SRRM3: variants seen among roughly 807,000 people sequenced by gnomAD.
The protein encoded by SRRM3 is serine/arginine repetitive matrix 3.
SRRM3 carries 27 observed loss-of-function variants against 66.2 expected under a neutral mutation model. The ratio of observed to expected loss-of-function variants is 0.41; its 90% CI spans 0.30 to 0.56. The LOEUF is 0.56. Ranked by LOEUF, SRRM3 falls within the 20% of genes least tolerant of loss-of-function variation. The probability of loss-of-function intolerance (pLI) is 0.32; values close to 1 mark genes in which losing one functional copy is unlikely to be tolerated. For missense variants in SRRM3, 918 were observed against 991.9 expected, an observed-to-expected ratio of 0.93 and a Z score of 1.00; for synonymous variants, 391 against 414.9, an observed-to-expected ratio of 0.94 and a Z score of 0.70.
At chr7:76,279,889 C>T (rs1445807307) in intron 11 of SRRM3, among the ~76,000 whole-genome samples, 2 of 152,128 alleles carry the variant, frequency 1.3e-5, no homozygotes, top group African/African-American at 2.4e-5. Flanking sequence ...AGGAGCCGGG[C>T]GCTGCCAGCC....
At chr7:76,224,077 C>CT (rs782746897) in intron 1 of SRRM3, among the ~76,000 whole-genome samples, 709 of 60,944 alleles carry the variant, frequency 0.012, 108 homozygotes, top group African/African-American at 0.02. Context: ...TCCCTTCCCT[C>CT]TTTTTTTTTT....
At position 76,281,767 on chromosome 7, in the gene SRRM3, C is replaced by T; in HGVS notation, c.1335C>T (p.Pro445=). The part of the protein sequence containing the change: ...GRGAPGPGPE[P]GSERGHGGHG... ...GCGCCCCCGGCCCCGGGCCCGAGCCCGGCTCTGAGCGAGGCCACGGCGGAC... is the reference window on the plus strand; with the variant it reads ...GCGCCCCCGGCCCCGGGCCCGAGCCTGGCTCTGAGCGAGGCCACGGCGGAC... The change falls in exon 12 of 15, where the codon CCC becomes CCT. Residue 445 remains proline, a synonymous_variant. Coordinates refer to ENST00000611745, the MANE Select transcript of SRRM3 (RefSeq NM_001110199.3). 2.9e-6 allele frequency: 4 copies of T among 1,385,380 alleles called. No individual in the cohort carries two copies. Among genetic ancestry groups the T allele is most frequent in the Non-Finnish European group, 3.7e-6 (4 of 1,068,810 alleles). 85.8% of individuals were successfully genotyped at this position (1,385,380 alleles called of 1,614,324 possible). A position where few individuals can be genotyped will look rare whatever the true frequency, so the allele number is the denominator to read the frequency against.
At position 76,283,079 on chromosome 7, in the gene SRRM3, A is replaced by G; in HGVS notation, c.1711A>G (p.Met571Val). ...RKRRRDSPSFMEPRRITSARK... is the reference protein window; with the variant it reads ...RKRRRDSPSFVEPRRITSARK... ...GCGGCGCCGGGACTCGCCAAGCTTC[A>G]TGGAGCCGCGGCGCATCACCAGGTA... Residue 571 changes from methionine (M) to valine (V), a missense_variant, in exon 14 of 15, where the codon ATG (methionine) becomes GTG (valine). Transcript: ENST00000611745. 6.8e-7 allele frequency: 1 copy of G among 1,464,826 alleles called. No individual in the cohort carries two copies. Among genetic ancestry groups the G allele is most frequent in the Non-Finnish European group, 8.9e-7 (1 of 1,117,534 alleles). The allele number at this position is 1,464,826 out of a possible 1,614,324, so 90.7% of individuals were successfully genotyped here.
chr7:76,272,455 C>T lies in SRRM3; in HGVS notation c.1008+5020C>T, dbSNP rs1802237636. The stretch of plus-strand genomic sequence containing the variant: ...TGATGGTGCATGCCTACAATCCCAG[C>T]CACTTGGAAGGCTGAGGTGGGAGGA... On this transcript the variant is annotated intron_variant, in intron 11 of 14. Coordinates refer to ENST00000611745, the MANE Select transcript of SRRM3 (RefSeq NM_001110199.3). 2.0e-5 allele frequency among the ~76,000 whole-genome samples: 3 copies of T among 152,152 alleles called. No individual in the cohort carries two copies. In the South Asian group the frequency reaches 6.2e-4, roughly 32 times the overall value.
At chr7:76,244,017 G>C (rs899438039) in intron 2 of SRRM3, among the ~76,000 whole-genome samples, 1 of 152,234 alleles carries the variant, frequency 6.6e-6, no homozygotes, top group African/African-American at 2.4e-5. Context: ...CAGGGACTGA[G>C]GTGGACACTG....
chr7:76,216,794 C>T (rs893173510), intron 1 of SRRM3, among the ~76,000 whole-genome samples: 4 of 152,122 alleles, frequency 2.6e-5, no homozygotes, highest in South Asian at 2.1e-4. Flanking sequence ...TGCAGCCCCT[C>T]GGGGGAGGAA....
intron 3 of SRRM3, among the ~76,000 whole-genome samples, chr7:76,249,385 A>C (rs1343723752): frequency 6.6e-6 from 1 of 152,080 alleles, no homozygotes; most frequent in Admixed American, 6.6e-5. Context: ...GTCTCAAAAA[A>C]AAAAAAAAGG....
At position 76,260,896 on chromosome 7, in the gene SRRM3, G is replaced by A. The variant is rs1446585223; in HGVS notation, c.568G>A (p.Glu190Lys). The A allele has an allele frequency of 1.9e-6, 3 of 1,561,740 alleles. No individual in the cohort carries two copies. Among genetic ancestry groups the A allele is most frequent in the East Asian group, 2.4e-5 (1 of 41,920 alleles). ...RSRKKRRLES[E>K]CSCGSSSPLR... ...CAGCAAAAAGAGGAGACTGGAGTCC[G>A]AATGCAGGTCAGTGGGGACAGAGCT... Residue 190 changes from glutamate to lysine, a missense_variant, in exon 6 of 15, where the codon GAA becomes AAA. Transcript: ENST00000611745.
At position 76,260,195 on chromosome 7, in the gene SRRM3, C is replaced by T. The variant is rs547795838; in HGVS notation, c.543C>T (p.Ser181=). 39 of 1,536,364 alleles carry T rather than the reference C, an allele frequency of 2.5e-5. No homozygotes were observed. In the Middle Eastern group the frequency reaches 7.7e-4, roughly 30 times the overall value. Residue 181 remains serine (S), a splice_region_variant and synonymous_variant, in exon 5 of 15, where the codon AGC becomes AGT. Coordinates refer to ENST00000611745, the MANE Select transcript of SRRM3 (RefSeq NM_001110199.3). ...AAAAGAAAGGCGGCCACCGGAGAAG[C>T]CGGTGAGAACCGCGCCTGACCGGAG... ...KKKKKGGHRR[S]RKKRRLESEC...
chr7:76,256,959 C>G (rs1801728769), intron 3 of SRRM3, among the ~76,000 whole-genome samples: 1 of 152,168 alleles, frequency 6.6e-6, no homozygotes, highest in Non-Finnish European at 1.5e-5. Context: ...ATCCGCCCGC[C>G]TCAGCCTCCC....
intron 1 of SRRM3, among the ~76,000 whole-genome samples, chr7:76,228,374 A>G (rs1432341851): frequency 1.3e-5 from 2 of 152,134 alleles, no homozygotes; most frequent in African/African-American, 4.8e-5. Context: ...TTAGAAATGC[A>G]AATTCTCAAG....
intron 1 of SRRM3, among the ~76,000 whole-genome samples, chr7:76,225,020 G>A (rs782494068): frequency 3.0e-4 from 46 of 152,090 alleles, no homozygotes; most frequent in Admixed American, 9.2e-4. Flanking sequence ...GTCTATTACC[G>A]AAGTCATGTG....
chr7:76,267,240 C>A lies in SRRM3; in HGVS notation c.831-18C>A. On this transcript the variant is annotated intron_variant, in intron 10 of 14. Transcript: ENST00000611745. ...GTCCCACGCCGACTCCCCCATTCTT[C>A]CTGGCGCCTAACCCCAGGCTGAGCC... The A allele has an allele frequency of 6.6e-7, 1 of 1,517,774 alleles. No homozygotes were observed. Among genetic ancestry groups the A allele is most frequent in the Non-Finnish European group, 8.8e-7 (1 of 1,140,348 alleles). 94.0% of individuals were successfully genotyped at this position (1,517,774 alleles called of 1,614,324 possible). A position where few individuals can be genotyped will look rare whatever the true frequency, so the allele number is the denominator to read the frequency against.
rs781966212 is a variant in SRRM3 at position 76,265,406 on chromosome 7, C to T, written c.768C>T (p.Ser256=). 2 of 1,605,956 alleles carry T rather than the reference C, an allele frequency of 1.2e-6. No homozygotes were observed. The highest frequency in any genetic ancestry group is 1.7e-6 in the Non-Finnish European group (2 of 1,176,578). The part of the protein sequence containing the change: ...ESPGRRSHRH[S]SGSSHSPSLS... ...CAGGCCGGAGGTCTCATCGCCATAG[C>T]AGTGGCAGCTCCCACAGCCCCTCCC... The change falls in exon 10 of 15, where the codon AGC becomes AGT. Residue 256 remains serine, a synonymous_variant. Transcript: ENST00000611745.
At chr7:76,274,747 G>T (rs1802298995) in intron 11 of SRRM3, among the ~76,000 whole-genome samples, 1 of 152,142 alleles carries the variant, frequency 6.6e-6, no homozygotes, top group Non-Finnish European at 1.5e-5. Context: ...GGACCCTAGG[G>T]GACCCCACCT....
chr7:76,253,298 C>A (rs1241752564), intron 3 of SRRM3, among the ~76,000 whole-genome samples: 1 of 151,972 alleles, frequency 6.6e-6, no homozygotes, highest in Admixed American at 6.6e-5. Context: ...ACCAGCCTGA[C>A]CAACATGGAG....
At position 76,216,050 on chromosome 7, in the gene SRRM3, G is replaced by A. The variant is rs1435635155; in HGVS notation, c.-40+13983G>A. Among the ~76,000 whole-genome samples the A allele has an allele frequency of 4.0e-5, 6 of 150,386 alleles. No individual in the cohort carries two copies. In the South Asian group the frequency reaches 1.1e-3, roughly 26 times the overall value. Reference sequence around the variant, plus strand: ...TCTCGATCTCCTGACCTCGTGATCTGCCCACCTTGGCCTCCCAAAGTGCTG... The same window carrying A: ...TCTCGATCTCCTGACCTCGTGATCTACCCACCTTGGCCTCCCAAAGTGCTG... On this transcript the variant is annotated intron_variant, in intron 1 of 14. Transcript: ENST00000611745.
At chr7:76,232,614 G>A (rs1422123783) in intron 1 of SRRM3, among the ~76,000 whole-genome samples, 1 of 152,164 alleles carries the variant, frequency 6.6e-6, no homozygotes, top group East Asian at 1.9e-4. Flanking sequence ...CAGCCAGAGG[G>A]GAAAGGAAGG....
At chr7:76,247,107 G>A (rs566674347) in intron 2 of SRRM3, among the ~76,000 whole-genome samples, 2 of 152,146 alleles carry the variant, frequency 1.3e-5, no homozygotes, top group Non-Finnish European at 2.9e-5. Flanking sequence ...GAACTGGGAG[G>A]CCAGGTAGTG....
Sources: allele counts gnomAD v4.1 joint callset (sites outside exome capture counted in the v4.1 genomes callset), GRCh38; gene constraint gnomAD v4.1.1; transcripts MANE v1.5; gene names NCBI Gene and HGNC (gene_info 2026-07-23, HGNC 2026-07-21).